Variants in MACROD2 observed in about 807,000 individuals in gnomAD.
The protein encoded by MACROD2 is ADP-ribose glycohydrolase MACROD2.
Under a neutral mutation model 70.4 loss-of-function variants are expected in MACROD2, and 36 were observed. The observed-to-expected ratio is 0.51, with a 90% CI of 0.39 to 0.68. The LOEUF (loss-of-function observed/expected upper bound fraction) is 0.68. Among genes scored for constraint, MACROD2 ranks in the 30% least tolerant of loss-of-function variants. The probability of loss-of-function intolerance (pLI) is 0.00; values close to 1 mark genes in which losing one functional copy is unlikely to be tolerated. For missense variants in MACROD2, 496 were observed against 538.4 expected (o/e 0.92, Z 0.78); for synonymous variants, 172 against 178.8 (o/e 0.96, Z 0.30).
intron 3 of MACROD2, among the ~76,000 whole-genome samples, chr20:14,222,196 C>T (rs2081681450): frequency 6.6e-6 from 1 of 151,858 alleles, no homozygotes; most frequent in South Asian, 2.1e-4. Context: ...ATACTTATCA[C>T]AGCACAATAT....
intron 6 of MACROD2, among the ~76,000 whole-genome samples, chr20:15,296,634 C>T (rs1290195594): frequency 6.6e-6 from 1 of 152,178 alleles, no homozygotes; most frequent in East Asian, 1.9e-4. Context: ...GCCAATCTCC[C>T]CCACTGCACT....
chr20:15,178,443 C>A (rs569485591), intron 5 of MACROD2, among the ~76,000 whole-genome samples: 11 of 152,324 alleles, frequency 7.2e-5, no homozygotes, highest in South Asian at 4.1e-4. Flanking sequence ...TGTCCAAAGT[C>A]ACAGAATTAT....
At chr20:15,443,079 A>G (rs966240338) in intron 7 of MACROD2, among the ~76,000 whole-genome samples, 10 of 152,176 alleles carry the variant, frequency 6.6e-5, no homozygotes, top group Admixed American at 2.0e-4. Context: ...GAATGAATAC[A>G]TAATTGCATT....
At chr20:14,879,346 A>T (rs2073585895) in intron 5 of MACROD2, among the ~76,000 whole-genome samples, 1 of 152,202 alleles carries the variant, frequency 6.6e-6, no homozygotes, top group African/African-American at 2.4e-5. Flanking sequence ...GTATTCTTCC[A>T]AGTTAGCATG....
At chr20:15,070,138 A>T (rs1015316421) in intron 5 of MACROD2, among the ~76,000 whole-genome samples, 23 of 152,112 alleles carry the variant, frequency 1.5e-4, no homozygotes, top group African/African-American at 5.1e-4. Context: ...GGAGTCAAGG[A>T]TTATGCTGGA....
intron 3 of MACROD2, among the ~76,000 whole-genome samples, chr20:14,321,805 T>G (rs1277389518): frequency 1.3e-5 from 2 of 152,168 alleles, no homozygotes; most frequent in Non-Finnish European, 2.9e-5. Context: ...ATAATACTTT[T>G]AATAAATCGG....
intron 3 of MACROD2, among the ~76,000 whole-genome samples, chr20:14,144,460 A>G (rs1802021054): frequency 6.6e-6 from 1 of 152,074 alleles, no homozygotes; most frequent in Admixed American, 6.5e-5. Context: ...TACCTTTTAC[A>G]TATGGATTGA....
chr20:14,282,991 C>G (rs1460084685), intron 3 of MACROD2, among the ~76,000 whole-genome samples: 1 of 152,122 alleles, frequency 6.6e-6, no homozygotes, highest in East Asian at 1.9e-4. Flanking sequence ...GTGTCATGTT[C>G]CCTACATCAT....
At chr20:14,246,219 T>G (rs1041136004) in intron 3 of MACROD2, among the ~76,000 whole-genome samples, 19 of 152,194 alleles carry the variant, frequency 1.2e-4, no homozygotes, top group African/African-American at 4.6e-4. Flanking sequence ...CAGCAGCCAT[T>G]TGTAACACTT....
At chr20:14,351,921 G>A (rs1406016431) in intron 3 of MACROD2, among the ~76,000 whole-genome samples, 1 of 151,950 alleles carries the variant, frequency 6.6e-6, no homozygotes, top group African/African-American at 2.4e-5. Context: ...GTTATTTGAG[G>A]GTGTTTATCA....
At chr20:15,076,716 A>C (rs910227134) in intron 5 of MACROD2, among the ~76,000 whole-genome samples, 2 of 152,140 alleles carry the variant, frequency 1.3e-5, no homozygotes, top group African/African-American at 4.8e-5. Context: ...AGATGGGGAC[A>C]TGTCTCTGTT....
At chr20:15,085,343 C>T (rs1468602335) in intron 5 of MACROD2, among the ~76,000 whole-genome samples, 3 of 152,040 alleles carry the variant, frequency 2.0e-5, no homozygotes, top group Admixed American at 6.6e-5. Flanking sequence ...GCAATAGTTT[C>T]TTGGATATGA....
At chr20:15,981,216 C>T (rs1241433718) in intron 13 of MACROD2, among the ~76,000 whole-genome samples, 1 of 152,146 alleles carries the variant, frequency 6.6e-6, no homozygotes, top group Non-Finnish European at 1.5e-5. Context: ...CAGGCTAGTC[C>T]TGGTGGAATT....
chr20:15,064,911 G>T (rs1034140850), intron 5 of MACROD2, among the ~76,000 whole-genome samples: 2 of 152,166 alleles, frequency 1.3e-5, no homozygotes, highest in Non-Finnish European at 2.9e-5. Flanking sequence ...GCAAGTGTGA[G>T]CACAGATCTT....
intron 3 of MACROD2, among the ~76,000 whole-genome samples, chr20:14,150,657 T>G (rs982921941): frequency 1.3e-5 from 2 of 152,212 alleles, no homozygotes; most frequent in African/African-American, 2.4e-5. Context: ...TCTTCCTCCC[T>G]TCTGGATTTT....
At chr20:14,616,545 G>A (rs147353736) in intron 4 of MACROD2, among the ~76,000 whole-genome samples, 102 of 152,188 alleles carry the variant, frequency 6.7e-4, no homozygotes, top group African/African-American at 2.4e-3. Flanking sequence ...CACCCTCGGT[G>A]ATTTAATTTT....
Position 15,107,654 on chromosome 20 carries a change from T to C in MACROD2, c.419-122286T>C, listed in dbSNP as rs570911407. 1.2e-4 allele frequency among the ~76,000 whole-genome samples: 18 copies of C among 152,314 alleles called. No individual in the cohort carries two copies. The South Asian group carries it at 3.5e-3, about 30-fold the overall frequency. On this transcript the variant is annotated intron_variant, in intron 5 of 17. Transcript: ENST00000684519. ...AGACTGTTGTTTCTCTCCCTGATTT[T>C]TGATACTTTTACAGAGATAATAGCT...
chr20:14,487,685 T>G (rs1433280103), intron 3 of MACROD2, among the ~76,000 whole-genome samples: 1 of 152,218 alleles, frequency 6.6e-6, no homozygotes, highest in Non-Finnish European at 1.5e-5. Context: ...ACCATTGATA[T>G]CAATGAATAT....
At chr20:15,009,238 C>G (rs2075063150) in intron 5 of MACROD2, among the ~76,000 whole-genome samples, 1 of 152,154 alleles carries the variant, frequency 6.6e-6, no homozygotes, top group Non-Finnish European at 1.5e-5. Flanking sequence ...GGTCTCCAAA[C>G]ACTCCACCAA....
Sources: allele counts gnomAD v4.1 joint callset (sites outside exome capture counted in the v4.1 genomes callset), GRCh38; gene constraint gnomAD v4.1.1; transcripts MANE v1.5; gene names NCBI Gene and HGNC (gene_info 2026-07-23, HGNC 2026-07-21).